The following VPS35 variants were observed in gnomAD, a reference collection of about 807,000 sequenced individuals.
VPS35 encodes the protein vacuolar protein sorting-associated protein 35.
A neutral mutation model predicts 98.1 loss-of-function variants in VPS35; 21 were observed. The ratio of observed to expected loss-of-function variants is 0.21; its 90% CI spans 0.15 to 0.31. The LOEUF is 0.31. Among genes scored for constraint, VPS35 ranks in the 10% least tolerant of loss-of-function variants. VPS35 has a pLI of 1.00. For synonymous variants in VPS35, 268 were observed against 318.2 expected (o/e 0.84, Z 1.68); for missense variants, 554 against 950.8 (o/e 0.58, Z 5.49).
At chr16:46,671,338 AAAG>A (rs1477995481) in intron 12 of VPS35, among the ~76,000 whole-genome samples, 4 of 152,222 alleles carry the variant, frequency 2.6e-5, no homozygotes, top group Non-Finnish European at 4.4e-5. Flanking sequence ...CACTCAAGCA[AAAG>A]AAGACAGACT....
At position 46,688,984 on chromosome 16, in the gene VPS35, C is replaced by T. The variant is rs748691413; in HGVS notation, c.3+147G>A. On this transcript the variant is annotated intron_variant, in intron 1 of 16. Coordinates refer to ENST00000299138, the MANE Select transcript of VPS35 (RefSeq NM_018206.6). ...CTGCCCGCGGCCTTCCTCCTGCTGT[C>T]CCCTATCCCGCAGGCCAAATCGGGC... is the stretch of plus-strand genomic sequence containing the variant. The T allele has an allele frequency of 2.1e-5, 33 of 1,537,278 alleles. 1 individual carries two copies. The South Asian group carries it at 3.7e-4, about 17-fold the overall frequency.
intron 3 of VPS35, 76 bp from the exon 4 acceptor site, chr16:46,681,576 A>T: frequency 6.6e-7 from 1 of 1,526,496 alleles, no homozygotes. Flanking sequence ...TGGAGTCATT[A>T]CTAACTACTG....
At chr16:46,671,014 T>C (rs1476644847) in intron 12 of VPS35, among the ~76,000 whole-genome samples, 2 of 151,910 alleles carry the variant, frequency 1.3e-5, no homozygotes, top group Non-Finnish European at 2.9e-5. Flanking sequence ...ATAAACTATC[T>C]ATCTAGTATC....
At chr16:46,687,781 C>T (rs948220104) in intron 1 of VPS35, among the ~76,000 whole-genome samples, 10 of 152,036 alleles carry the variant, frequency 6.6e-5, no homozygotes, top group African/African-American at 2.4e-4. Flanking sequence ...TGCAAAAGTG[C>T]GACACCAAGA....
At chr16:46,675,748 T>A (rs941783426) in intron 8 of VPS35, among the ~76,000 whole-genome samples, 9 of 152,184 alleles carry the variant, frequency 5.9e-5, no homozygotes, top group Non-Finnish European at 7.3e-5. Context: ...CATCATATAC[T>A]ACTACATAAC....
At position 46,661,634 on chromosome 16, in the gene VPS35, G is replaced by T. The variant is rs926495704; in HGVS notation, c.2211+84C>A. 156 of 1,264,768 alleles carry T rather than the reference G, an allele frequency of 1.2e-4. No homozygotes were observed. The highest frequency in any genetic ancestry group is 1.2e-3 in the Middle Eastern group (5 of 4,210). The allele number at this position is 1,264,768 out of a possible 1,614,324, so 78.3% of individuals were successfully genotyped here. A position where few individuals can be genotyped will look rare whatever the true frequency, so the allele number is the denominator to read the frequency against. Reference sequence around the variant, plus strand: ...TGAACAGTGATTAAAGTATCAGAATGATAAACTTTTGTACATATCAAATCT... The same window carrying T: ...TGAACAGTGATTAAAGTATCAGAATTATAAACTTTTGTACATATCAAATCT... On this transcript the variant is annotated intron_variant, in intron 16 of 16. Transcript: ENST00000299138. This position sits in a 1 kb window ranked among gnomAD's most constrained non-coding sequence, Gnocchi z 4.3.
At chr16:46,668,342 C>A (rs1480256968) in intron 13 of VPS35, among the ~76,000 whole-genome samples, 2 of 152,180 alleles carry the variant, frequency 1.3e-5, no homozygotes, top group Non-Finnish European at 2.9e-5. Flanking sequence ...TTGCAGTGAG[C>A]TAAGACTGCG....
Position 46,661,670 on chromosome 16 carries a change from G to A in VPS35, c.2211+48C>T. ...GTACATATCAAATCTCCTAAGAGTAGGAAGGGAAAATATTAGTTTATTAAC... is the reference window on the plus strand; with the variant it reads ...GTACATATCAAATCTCCTAAGAGTAAGAAGGGAAAATATTAGTTTATTAAC... On this transcript the variant is annotated intron_variant, in intron 16 of 16. Coordinates refer to ENST00000299138, the MANE Select transcript of VPS35 (RefSeq NM_018206.6). This position sits in a 1 kb window ranked among gnomAD's most constrained non-coding sequence, Gnocchi z 4.3. The A allele has an allele frequency of 6.5e-7, 1 of 1,535,500 alleles. No individual in the cohort carries two copies. The highest frequency in any genetic ancestry group is 9.0e-7 in the Non-Finnish European group (1 of 1,110,114).
At chr16:46,676,065 C>CAAAA (rs369452932) in intron 8 of VPS35, among the ~76,000 whole-genome samples, 40 of 63,312 alleles carry the variant, frequency 6.3e-4, no homozygotes, top group African/African-American at 1.2e-3. Context: ...GGATCTGTCT[C>CAAAA]AAAAAAAAAA....
In VPS35 at chr16:46,680,788, A is replaced by G; in HGVS notation, c.389T>C (p.Leu130Ser). The G allele has an allele frequency of 6.2e-7, 1 of 1,614,096 alleles. No individual in the cohort carries two copies. The change falls in exon 5 of 17, where the codon TTG becomes TCG. Residue 130 changes from leucine (L) to serine (S), a missense_variant. Leu to Ser is a moderately radical substitution (Grantham distance 145). Transcript: ENST00000299138. ...KSFPQSRKDILKDLVEMCRGV... is the reference protein window; with the variant it reads ...KSFPQSRKDISKDLVEMCRGV... The stretch of plus-strand genomic sequence containing the variant: ...ACGGCACATTTCTACCAAATCTTTC[A>G]AAATATCCTTCCTGGACTGAGGAAA...
chr16:46,676,931 T>C (rs1966160601), intron 7 of VPS35, among the ~76,000 whole-genome samples: 1 of 152,056 alleles, frequency 6.6e-6, no homozygotes, highest in African/African-American at 2.4e-5. Flanking sequence ...TACTCATTCC[T>C]ACATTTTGGA....
chr16:46,677,821 T>C (rs192137844), intron 6 of VPS35: 9 of 192,606 alleles, frequency 4.7e-5, no homozygotes. Context: ...TCTTCATGGC[T>C]TGTGCTTGTA....
At chr16:46,682,348 T>C in intron 2 of VPS35, 173 bp from the exon 3 acceptor site, 1 of 594,864 alleles carries the variant, frequency 1.7e-6, no homozygotes, top group Non-Finnish European at 3.0e-6. Flanking sequence ...TTGCCGTCTC[T>C]ACTGAAAAAG....
intron 1 of VPS35, among the ~76,000 whole-genome samples, chr16:46,687,748 G>C (rs1304690794): frequency 6.6e-6 from 1 of 152,054 alleles, no homozygotes; most frequent in Non-Finnish European, 1.5e-5. Context: ...GGGCCAAAGG[G>C]GCCGCCAACA....
chr16:46,664,436 C>T (rs1310853858), intron 13 of VPS35, among the ~76,000 whole-genome samples: 3 of 152,092 alleles, frequency 2.0e-5, no homozygotes, highest in Admixed American at 6.5e-5. Context: ...GGATTACTGG[C>T]GTGAGCCACT....
chr16:46,660,528 A>C lies in VPS35; in HGVS notation c.2335T>G (p.Leu779Val). Residue 779 changes from leucine to valine, a missense_variant, in exon 17 of 17, where the codon TTG becomes GTG. By Grantham distance (32) the Leu-to-Val change is conservative. Around this residue, in one of 5 missense-constraint regions of VPS35, gnomAD observed 153 missense variants for 211.0 expected, o/e 0.73. Transcript: ENST00000299138. Reference protein sequence around the residue: ...HFHNTLEHLRLRRESPESEGP... With the variant: ...HFHNTLEHLRVRRESPESEGP... ...TCGGATTCTGGTGATTCCCGCCGCAAGCGCAAATGCTCCAGTGTGTTATGA... is the reference window on the plus strand; with the variant it reads ...TCGGATTCTGGTGATTCCCGCCGCACGCGCAAATGCTCCAGTGTGTTATGA... 1 of 1,614,076 alleles carries C rather than the reference A, an allele frequency of 6.2e-7. No individual in the cohort carries two copies. Among genetic ancestry groups the C allele is most frequent in the East Asian group, 2.2e-5 (1 of 44,866 alleles).
At chr16:46,684,108 T>C (rs1167283642) in intron 1 of VPS35, among the ~76,000 whole-genome samples, 1 of 152,166 alleles carries the variant, frequency 6.6e-6, no homozygotes, top group African/African-American at 2.4e-5. Flanking sequence ...CAAAGGAGAA[T>C]AGTATGTGTA....
intron 13 of VPS35, among the ~76,000 whole-genome samples, chr16:46,665,225 C>T (rs952802843): frequency 3.3e-5 from 5 of 152,130 alleles, no homozygotes; most frequent in South Asian, 2.1e-4. Flanking sequence ...TAATTACAAG[C>T]GAGGTTAAAT....
At chr16:46,683,872 CCAT>C (rs1387895587) in intron 1 of VPS35, among the ~76,000 whole-genome samples, 1 of 152,114 alleles carries the variant, frequency 6.6e-6, no homozygotes, top group East Asian at 1.9e-4. Flanking sequence ...CTACAAGCGC[CCAT>C]CACCACACCC....
Sources: allele counts gnomAD v4.1 joint callset (sites outside exome capture counted in the v4.1 genomes callset), GRCh38; gene constraint gnomAD v4.1.1; regional missense constraint gnomAD v4.1.1; non-coding constraint Gnocchi (gnomAD v3.1); transcripts MANE v1.5; gene names NCBI Gene and HGNC (gene_info 2026-07-23, HGNC 2026-07-21).